ATP6V0D1: variants seen among roughly 807,000 people sequenced by gnomAD.
The protein encoded by ATP6V0D1 is ATPase H+ transporting V0 subunit d1, also known as V-type proton ATPase subunit d 1.
A neutral mutation model predicts 39.0 loss-of-function variants in ATP6V0D1; 13 were observed. That is an observed-to-expected ratio of 0.33 (90% CI 0.22 to 0.53). The LOEUF is 0.53. ATP6V0D1 is among the 20% of genes least tolerant of loss of function. ATP6V0D1 has a pLI of 0.94. For synonymous variants in ATP6V0D1, 191 were observed against 191.2 expected (o/e 1.00, Z 0.01); for missense variants, 272 against 470.9 (o/e 0.58, Z 3.91).
At chr16:67,446,507 G>A (rs946983237) in intron 2 of ATP6V0D1, among the ~76,000 whole-genome samples, 2 of 152,144 alleles carry the variant, frequency 1.3e-5, no homozygotes, top group Non-Finnish European at 2.9e-5. Flanking sequence ...GGCCCAAATG[G>A]GCAGCCTCCT....
intron 1 of ATP6V0D1, among the ~76,000 whole-genome samples, chr16:67,466,600 C>T (rs1038772439): frequency 1.3e-5 from 2 of 151,826 alleles, no homozygotes; most frequent in Admixed American, 6.6e-5. Flanking sequence ...TTTGGAAGGC[C>T]GAGGCTGAAA....
chr16:67,451,468 T>C (rs2041179730), intron 2 of ATP6V0D1, among the ~76,000 whole-genome samples: 1 of 151,942 alleles, frequency 6.6e-6, no homozygotes, highest in Non-Finnish European at 1.5e-5. Context: ...CTGAAGGCTG[T>C]GGGTAGAGAG....
At chr16:67,462,848 G>T (rs2041299327) in intron 1 of ATP6V0D1, among the ~76,000 whole-genome samples, 1 of 151,648 alleles carries the variant, frequency 6.6e-6, no homozygotes, top group Non-Finnish European at 1.5e-5. Context: ...AAAAAACCTG[G>T]CCCATGCCCA....
chr16:67,462,146 C>G (rs1216859103), intron 1 of ATP6V0D1, among the ~76,000 whole-genome samples: 1 of 152,090 alleles, frequency 6.6e-6, no homozygotes, highest in Non-Finnish European at 1.5e-5. Flanking sequence ...AGCCCGTCAC[C>G]AGGCCGTCCC....
Position 67,438,490 on chromosome 16 carries a change from CACACAA to C in ATP6V0D1, c.*32_*37del. On this transcript the variant is annotated 3_prime_UTR_variant, in exon 8 of 8. Coordinates refer to ENST00000290949, the MANE Select transcript of ATP6V0D1 (RefSeq NM_004691.5). Reference sequence around the variant, plus strand: ...ACACACGCGCACACACACACACACACACACAAAGAGTGCAATTGAGAGCCTTGGGCC... The same window carrying C: ...ACACACGCGCACACACACACACACACAGAGTGCAATTGAGAGCCTTGGGCC... The C allele has an allele frequency of 6.2e-7, 1 of 1,610,650 alleles. No individual in the cohort carries two copies. The highest frequency in any genetic ancestry group is 2.2e-5 in the East Asian group (1 of 44,810).
chr16:67,439,189 G>C (rs2041016344), intron 5 of ATP6V0D1, 42 bp from the exon 6 acceptor site: 1 of 1,613,368 alleles, frequency 6.2e-7, no homozygotes. Context: ...GGAGGAAGAA[G>C]GAGGCAGTAG....
intron 1 of ATP6V0D1, chr16:67,457,644 A>G: frequency 7.8e-7 from 1 of 1,289,356 alleles, no homozygotes; most frequent in Non-Finnish European, 1.0e-6. Context: ...TTGTGGCACC[A>G]TCCATTCCTA....
At chr16:67,452,490 G>A (rs1187006520) in intron 2 of ATP6V0D1, 2 of 1,234,640 alleles carry the variant, frequency 1.6e-6, no homozygotes, top group Admixed American at 2.0e-5. Flanking sequence ...GGGACAAGTG[G>A]GGCAGGTGTG....
chr16:67,439,638 G>C, intron 4 of ATP6V0D1: 1 of 475,652 alleles, frequency 2.1e-6, no homozygotes, highest in Non-Finnish European at 3.8e-6. Context: ...CTCACAGAAG[G>C]CTGGGCTCGC....
chr16:67,463,797 G>A (rs567769578), intron 1 of ATP6V0D1, among the ~76,000 whole-genome samples: 1 of 152,148 alleles, frequency 6.6e-6, no homozygotes, highest in African/African-American at 2.4e-5. Context: ...CAGCGGCCCT[G>A]CTCAAGGGCC....
rs773646629 is a variant in ATP6V0D1 at position 67,444,520 on chromosome 16, C to T, written c.481+8G>A. 8.2e-6 allele frequency: 13 copies of T among 1,586,078 alleles called. No homozygotes were observed. Among genetic ancestry groups the T allele is most frequent in the Middle Eastern group, 1.7e-4 (1 of 5,990 alleles). On this transcript the variant is annotated splice_region_variant and intron_variant, in intron 3 of 7. Transcript: ENST00000290949. The surrounding 1 kb of genome is among the most constrained non-coding windows in gnomAD (Gnocchi z 4.8). ...TGCCCACCTCCCATGACCACCACAG[C>T]GGCTCACCAAGAGGCGTGTCCACCA...
Position 67,453,624 on chromosome 16 carries a change from G to A in ATP6V0D1, c.222C>T (p.Leu74=). 6.2e-7 allele frequency: 1 copy of A among 1,614,158 alleles called. No individual in the cohort carries two copies. Among genetic ancestry groups the A allele is most frequent in the Non-Finnish European group, 8.5e-7 (1 of 1,180,026 alleles). ...PLTVSVIDDR[L]KEKMVVEFRH... is the part of the protein sequence containing the mutation. ...GGAACTCCACCACCATCTTCTCCTT[G>A]AGCCGGTCATCGATGACTGACACCG... is the stretch of plus-strand genomic sequence containing the variant. The change falls in exon 2 of 8, where the codon CTC becomes CTT. Residue 74 remains leucine (L), a synonymous_variant. Coordinates refer to ENST00000290949, the MANE Select transcript of ATP6V0D1 (RefSeq NM_004691.5). This position sits in a 1 kb window ranked among gnomAD's most constrained non-coding sequence, Gnocchi z 4.1.
rs1406836540 is a variant in ATP6V0D1, at chr16:67,456,874, T to C, written c.131-3159A>G. ...GCTGGGCCTCACCCGGGCATCTGTG[T>C]ACACACTGCTCTTCCAGGCCCTGGC... On this transcript the variant is annotated intron_variant, in intron 1 of 7. Transcript: ENST00000290949. This position sits in a 1 kb window ranked among gnomAD's most constrained non-coding sequence, Gnocchi z 4.1. 2 of 152,446 alleles carry C rather than the reference T, an allele frequency of 1.3e-5. No individual in the cohort carries two copies. Among genetic ancestry groups the C allele is most frequent in the African/African-American group, 2.4e-5 (1 of 41,458 alleles). 9.4% of individuals were successfully genotyped at this position (152,446 alleles called of 1,614,324 possible). A position where few individuals can be genotyped will look rare whatever the true frequency, so the allele number is the denominator to read the frequency against.
At chr16:67,465,571 T>C (rs565391071) in intron 1 of ATP6V0D1, among the ~76,000 whole-genome samples, 4 of 152,306 alleles carry the variant, frequency 2.6e-5, no homozygotes, top group Admixed American at 2.6e-4. Context: ...CATGGGTTCA[T>C]AGCACACTGT....
chr16:67,459,531 T>G lies in ATP6V0D1; in HGVS notation c.131-5816A>C, dbSNP rs76891744. 5.5e-3 allele frequency among the ~76,000 whole-genome samples: 836 copies of G among 152,304 alleles called. 8 individuals carry two copies. Among genetic ancestry groups the G allele is most frequent in the African/African-American group, 0.019 (790 of 41,584 alleles). On this transcript the variant is annotated intron_variant, in intron 1 of 7. Transcript: ENST00000290949. ...CCCTATCACCCTAGCCCTTGATTAA[T>G]AGGAGGGCATGGGACACTCAGCCTG...
chr16:67,452,169 C>T (rs1180666458), intron 2 of ATP6V0D1: 20 of 1,507,474 alleles, frequency 1.3e-5, no homozygotes, highest in Non-Finnish European at 1.8e-5. Context: ...GCAATGTGAC[C>T]CCTAATGTAG....
chr16:67,461,411 T>C (rs572193756), intron 1 of ATP6V0D1, among the ~76,000 whole-genome samples: 2 of 152,268 alleles, frequency 1.3e-5, no homozygotes, highest in South Asian at 4.1e-4. Context: ...GCAACCTGGA[T>C]AGAGAGAGGC....
Position 67,438,470 on chromosome 16 carries a change from C to T in ATP6V0D1, c.*58G>A, listed in dbSNP as rs578126893. 3.0e-5 allele frequency: 47 copies of T among 1,566,696 alleles called. No homozygotes were observed. Among genetic ancestry groups the T allele is most frequent in the East Asian group, 6.9e-5 (3 of 43,768 alleles). On this transcript the variant is annotated 3_prime_UTR_variant, in exon 8 of 8. Coordinates refer to ENST00000290949, the MANE Select transcript of ATP6V0D1 (RefSeq NM_004691.5). Reference sequence around the variant, plus strand: ...CCACATACACACACACGCACACACACGCGCACACACACACACACACACACA... The same window carrying T: ...CCACATACACACACACGCACACACATGCGCACACACACACACACACACACA...
chr16:67,442,798 TGACCCTCCTG>T (rs1199007738), intron 4 of ATP6V0D1, among the ~76,000 whole-genome samples: 2 of 152,176 alleles, frequency 1.3e-5, no homozygotes, highest in Non-Finnish European at 1.5e-5. Context: ...TGGTAGTCCA[TGACCCTCCTG>T]GATGCTGGGG....
Sources: allele counts gnomAD v4.1 joint callset (sites outside exome capture counted in the v4.1 genomes callset), GRCh38; gene constraint gnomAD v4.1.1; non-coding constraint Gnocchi (gnomAD v3.1); transcripts MANE v1.5; gene names NCBI Gene and HGNC (gene_info 2026-07-23, HGNC 2026-07-21).